SLITRK3: variants seen among roughly 807,000 people sequenced by gnomAD.
SLITRK3 encodes SLIT and NTRK like family member 3, also known as SLIT and NTRK-like protein 3.
Under a neutral mutation model 63.6 loss-of-function variants are expected in SLITRK3, and 16 were observed. That is an observed-to-expected ratio of 0.25 (90% CI 0.17 to 0.38). The LOEUF (loss-of-function observed/expected upper bound fraction) is 0.38, where lower values mean the gene tolerates loss of function less well. Ranked by LOEUF, SLITRK3 falls within the 10% of genes least tolerant of loss-of-function variation. The pLI, the probability that SLITRK3 is intolerant of heterozygous loss-of-function variation, is 1.00. For missense variants in SLITRK3, 1,117 were observed against 1,181.4 expected (o/e 0.95, Z 0.80); for synonymous variants, 547 against 451.6 (o/e 1.21, Z -2.68).
At position 165,187,003 on chromosome 3, in the gene SLITRK3, G is replaced by C. The variant is rs1217686745; in HGVS notation, c.*894C>G. 1 of 152,424 alleles carries C rather than the reference G, an allele frequency of 6.6e-6. No homozygotes were observed. Among genetic ancestry groups the C allele is most frequent in the Non-Finnish European group, 1.5e-5 (1 of 68,020 alleles). 9.4% of individuals were successfully genotyped at this position (152,424 alleles called of 1,614,324 possible). Reference sequence around the variant, plus strand: ...GCATCAGGATGAAGTGTCACAAAGAGGGTGCTCATCCCTAGGCGTGTGTCT... The same window carrying C: ...GCATCAGGATGAAGTGTCACAAAGACGGTGCTCATCCCTAGGCGTGTGTCT... On this transcript the variant is annotated 3_prime_UTR_variant, in exon 2 of 2. Coordinates refer to ENST00000475390, the MANE Select transcript of SLITRK3 (RefSeq NM_001318810.2).
In SLITRK3 at chr3:165,188,770, G is replaced by A. The variant is rs1679932409; in HGVS notation, c.2061C>T (p.Pro687=). ...CACCTTCCTGCCGCTTGCTTCTGAA[G>A]GGCAGCTTCTTTCGACGCCTTCGGA... ...YVLRRRRKKL[P]FRSKRQEGVD... Residue 687 remains proline (P), a synonymous_variant, in exon 2 of 2, where the codon CCC becomes CCT. Coordinates refer to ENST00000475390, the MANE Select transcript of SLITRK3 (RefSeq NM_001318810.2). 1.2e-6 allele frequency: 2 copies of A among 1,614,188 alleles called. No homozygotes were observed. The highest frequency in any genetic ancestry group is 1.7e-5 in the Admixed American group (1 of 60,020).
Position 165,190,594 on chromosome 3 carries a change from A to C in SLITRK3, c.237T>G (p.Pro79=), listed in dbSNP as rs780241927. The C allele has an allele frequency of 7.4e-6, 12 of 1,613,878 alleles. No individual in the cohort carries two copies. The highest frequency in any genetic ancestry group is 9.3e-6 in the Non-Finnish European group (11 of 1,179,932). The stretch of plus-strand genomic sequence containing the variant: ...AATTCCTCTGCAGATACAGTTTAAA[A>C]GGTCTTGACCAGAACTCGGTAATCT... ...ISQITEFWSR[P]FKLYLQRNSM... The change falls in exon 2 of 2, where the codon CCT becomes CCG. Residue 79 remains proline (P), a synonymous_variant. Coordinates refer to ENST00000475390, the MANE Select transcript of SLITRK3 (RefSeq NM_001318810.2).
chr3:165,196,897 G>GTGTCTCTCTCTCTCTCTCTCTCTC (rs1718450011), upstream of SLITRK3: 2 of 96,528 alleles, frequency 2.1e-5, no homozygotes, highest in South Asian at 9.0e-4. Context: ...CTCTCTCTCT[G>GTGTCTCTCTCTCTCTCTCTCTCTC]TCTCTCTCTC....
chr3:165,188,841 A>G lies in SLITRK3; in HGVS notation c.1990T>C (p.Phe664Leu). ...SVLILSLLVL[F>L]FSAVFVAAGL... The stretch of plus-strand genomic sequence containing the variant: ...GCAGCAACAAAGACTGCTGAGAAAA[A>G]CAGAACCAGCAGGCTGAGAATTAAC... The change falls in exon 2 of 2, where the codon TTT becomes CTT. Residue 664 changes from phenylalanine to leucine, a missense_variant. Phe to Leu is a conservative substitution (Grantham distance 22, BLOSUM62 0). Around this residue, in one of 4 missense-constraint regions of SLITRK3, gnomAD observed 499 missense variants for 463.6 expected, o/e 1.08. Transcript: ENST00000475390. The G allele has an allele frequency of 6.2e-7, 1 of 1,614,076 alleles. No homozygotes were observed. Among genetic ancestry groups the G allele is most frequent in the Non-Finnish European group, 8.5e-7 (1 of 1,180,004 alleles).
At chr3:165,191,298 T>G (rs1193899281) in intron 1 of SLITRK3, among the ~76,000 whole-genome samples, 1 of 152,208 alleles carries the variant, frequency 6.6e-6, no homozygotes, top group African/African-American at 2.4e-5. Context: ...AAAAATATGT[T>G]CTTTGAGTTA....
Position 165,188,560 on chromosome 3 carries a change from C to T in SLITRK3, c.2271G>A (p.Lys757=), listed in dbSNP as rs1221460417. ...CAGCCACCTCCTCCTCCTCACGAGG[C>T]TTGTAGATGGGGTTGTTGCACATTT... ...VTQMCNNPIY[K]PREEEEVAVS... is the part of the protein sequence containing the mutation. The change falls in exon 2 of 2, where the codon AAG becomes AAA. Residue 757 remains lysine, a synonymous_variant. Coordinates refer to ENST00000475390, the MANE Select transcript of SLITRK3 (RefSeq NM_001318810.2). 1 of 1,613,980 alleles carries T rather than the reference C, an allele frequency of 6.2e-7. No homozygotes were observed. Among genetic ancestry groups the T allele is most frequent in the East Asian group, 2.2e-5 (1 of 44,866 alleles).
At chr3:165,191,313 T>C (rs549171584) in intron 1 of SLITRK3, among the ~76,000 whole-genome samples, 1 of 152,294 alleles carries the variant, frequency 6.6e-6, no homozygotes, top group East Asian at 1.9e-4. Context: ...GAGTTATAGG[T>C]TTTGATGATT....
intron 1 of SLITRK3, among the ~76,000 whole-genome samples, chr3:165,192,838 C>CCTGCCG (rs1242654483): frequency 3.3e-5 from 5 of 152,068 alleles, no homozygotes; most frequent in Non-Finnish European, 5.9e-5. Context: ...CTCTGCTGCC[C>CCTGCCG]CTGCCGCTGC....
In SLITRK3 at chr3:165,187,896, G is replaced by C; in HGVS notation, c.*1C>G. The C allele has an allele frequency of 6.3e-7, 1 of 1,595,576 alleles. No individual in the cohort carries two copies. On this transcript the variant is annotated 3_prime_UTR_variant, in exon 2 of 2. Coordinates refer to ENST00000475390, the MANE Select transcript of SLITRK3 (RefSeq NM_001318810.2). ...AGCACTAATATATTTTCTTCTCTCT[G>C]TTAGAACCTGTATGTTGTCTTCTCC...
In SLITRK3 at chr3:165,189,770, C is replaced by A. The variant is rs766381601; in HGVS notation, c.1061G>T (p.Gly354Val). Residue 354 changes from glycine (G) to valine (V), a missense_variant, in exon 2 of 2, where the codon GGT becomes GTT. Coordinates refer to ENST00000475390, the MANE Select transcript of SLITRK3 (RefSeq NM_001318810.2). This position sits in a 1 kb window ranked among gnomAD's most constrained non-coding sequence, Gnocchi z 4.0. ...AGGAGCAATGGGAGGCTGGTTTGGA[C>A]CAGGATATAAAGCTTGGGAGGTGGA... ...PPSTSQALYPGPNQPPIAPYQ... is the reference protein window; with the variant it reads ...PPSTSQALYPVPNQPPIAPYQ... 3 of 1,614,010 alleles carry A rather than the reference C, an allele frequency of 1.9e-6. No individual in the cohort carries two copies. The highest frequency in any genetic ancestry group is 2.5e-6 in the Non-Finnish European group (3 of 1,180,018).
In SLITRK3 at chr3:165,187,765, G is replaced by A; in HGVS notation, c.*132C>T. 1.4e-6 allele frequency: 1 copy of A among 720,418 alleles called. No homozygotes were observed. The highest frequency in any genetic ancestry group is 2.2e-6 in the Non-Finnish European group (1 of 444,478). 44.6% of individuals were successfully genotyped at this position (720,418 alleles called of 1,614,324 possible). A position where few individuals can be genotyped will look rare whatever the true frequency, so the allele number is the denominator to read the frequency against. On this transcript the variant is annotated 3_prime_UTR_variant, in exon 2 of 2. Transcript: ENST00000475390. The stretch of plus-strand genomic sequence containing the variant: ...ATTCTCTAGTTATCATGCGGTTTTA[G>A]TTTTGTTCAGGGTAGGAAAGATCGT...
Position 165,187,930 on chromosome 3 carries a change from G to A in SLITRK3, c.2901C>T (p.Leu967=), listed in dbSNP as rs757838414. 16 of 1,613,226 alleles carry A rather than the reference G, an allele frequency of 9.9e-6. No individual in the cohort carries two copies. In the East Asian group the frequency reaches 1.8e-4, roughly 18 times the overall value. ...RAKLQTKPDY[L]EVLEKTTYRF is the part of the protein sequence containing the mutation. ...TGTATGTTGTCTTCTCCAGGACTTC[G>A]AGGTAATCCGGCTTGGTTTGAAGTT... Residue 967 remains leucine, a synonymous_variant, in exon 2 of 2, where the codon CTC becomes CTT. Transcript: ENST00000475390.
chr3:165,190,481 T>C lies in SLITRK3; in HGVS notation c.350A>G (p.Gln117Arg), dbSNP rs1718169789. 1 of 1,613,820 alleles carries C rather than the reference T, an allele frequency of 6.2e-7. No individual in the cohort carries two copies. Among genetic ancestry groups the C allele is most frequent in the South Asian group, 1.1e-5 (1 of 91,078 alleles). ...CTTAAGACCATTGAAAGCTCCAGTC[T>C]GAATGTCCTGCAATGCATTGTTCCC... ...NLGNNALQDIQTGAFNGLKIL... is the reference protein window; with the variant it reads ...NLGNNALQDIRTGAFNGLKIL... Residue 117 changes from glutamine to arginine, a missense_variant, in exon 2 of 2, where the codon CAG (glutamine) becomes CGG (arginine). Physicochemically the swap from Gln to Arg is conservative, Grantham distance 43 (BLOSUM62 1). Around this residue, in one of 4 missense-constraint regions of SLITRK3, gnomAD observed 452 missense variants for 495.3 expected, o/e 0.91. Coordinates refer to ENST00000475390, the MANE Select transcript of SLITRK3 (RefSeq NM_001318810.2).
At chr3:165,193,021 C>T (rs1718294536) in intron 1 of SLITRK3, among the ~76,000 whole-genome samples, 1 of 152,020 alleles carries the variant, frequency 6.6e-6, no homozygotes, top group East Asian at 1.9e-4. Context: ...CAGCATTCCA[C>T]GTCATGAAAA....
chr3:165,187,338 G>C lies in SLITRK3; in HGVS notation c.*559C>G, dbSNP rs1225627218. 3 of 152,502 alleles carry C rather than the reference G, an allele frequency of 2.0e-5. No individual in the cohort carries two copies. Among genetic ancestry groups the C allele is most frequent in the African/African-American group, 7.3e-5 (3 of 41,238 alleles). The allele number at this position is 152,502 out of a possible 1,614,324, so 9.4% of individuals were successfully genotyped here. A position where few individuals can be genotyped will look rare whatever the true frequency, so the allele number is the denominator to read the frequency against. On this transcript the variant is annotated 3_prime_UTR_variant, in exon 2 of 2. Transcript: ENST00000475390. ...GTATGAGAGACAAGATAGTGAGTGA[G>C]AACATTCGAGCAAGACCCGCCCCCT...
At chr3:165,192,384 T>G (rs1273961846) in intron 1 of SLITRK3, among the ~76,000 whole-genome samples, 3 of 152,192 alleles carry the variant, frequency 2.0e-5, no homozygotes, top group African/African-American at 7.2e-5. Flanking sequence ...TCCATCTCCC[T>G]TATGAAATAT....
At chr3:165,191,152 G>A (rs1718210521) in intron 1 of SLITRK3, among the ~76,000 whole-genome samples, 1 of 152,126 alleles carries the variant, frequency 6.6e-6, no homozygotes, top group Admixed American at 6.6e-5. Context: ...AACAGAACTG[G>A]TATATCGTAC....
chr3:165,188,047 A>G lies in SLITRK3; in HGVS notation c.2784T>C (p.Asp928=). Residue 928 remains aspartate (D), a synonymous_variant, in exon 2 of 2, where the codon GAT becomes GAC. Coordinates refer to ENST00000475390, the MANE Select transcript of SLITRK3 (RefSeq NM_001318810.2). ...AGAGAAGGGTTTCTTTGAGCCTGGC[A>G]TCCTGCTGTAAGTCTGGGTATTGCA... ...PGMQYPDLQQ[D]ARLKETLLFS... The G allele has an allele frequency of 6.2e-7, 1 of 1,613,808 alleles. No homozygotes were observed. The highest frequency in any genetic ancestry group is 8.5e-7 in the Non-Finnish European group (1 of 1,179,968).
chr3:165,189,759 G>A lies in SLITRK3; in HGVS notation c.1072C>T (p.Pro358Ser). 1.9e-6 allele frequency: 3 copies of A among 1,614,190 alleles called. No individual in the cohort carries two copies. The highest frequency in any genetic ancestry group is 2.5e-6 in the Non-Finnish European group (3 of 1,180,036). Reference sequence around the variant, plus strand: ...CTGGTCTGATAAGGAGCAATGGGAGGCTGGTTTGGACCAGGATATAAAGCT... The same window carrying A: ...CTGGTCTGATAAGGAGCAATGGGAGACTGGTTTGGACCAGGATATAAAGCT... ...SQALYPGPNQ[P>S]PIAPYQTRPP... Residue 358 changes from proline to serine, a missense_variant, in exon 2 of 2, where the codon CCT becomes TCT. Physicochemically the swap from Pro to Ser is moderately conservative, Grantham distance 74. Transcript: ENST00000475390. This position sits in a 1 kb window ranked among gnomAD's most constrained non-coding sequence, Gnocchi z 4.0.
Sources: gnomAD v4.1 joint callset for allele counts (sites outside exome capture counted in the v4.1 genomes callset) on GRCh38, gnomAD v4.1.1 for gene constraint, gnomAD v4.1.1 regional missense constraint, Gnocchi (gnomAD v3.1) non-coding constraint, MANE v1.5 for transcripts, NCBI Gene and HGNC (gene_info 2026-07-23, HGNC 2026-07-21) for gene names.